The following JAK3 variants were observed in gnomAD, a reference collection of about 807,000 sequenced individuals.
JAK3 encodes the protein Janus kinase 3.
JAK3 carries 88 observed loss-of-function variants against 120.8 expected under a neutral mutation model. That is an observed-to-expected ratio of 0.73 (90% CI 0.61 to 0.87). JAK3 has a LOEUF of 0.87. Ranked by LOEUF, JAK3 falls within the 40% of genes least tolerant of loss-of-function variation. JAK3 has a pLI of 0.00. For synonymous variants in JAK3, 592 were observed against 628.6 expected (o/e 0.94, Z 0.87); for missense variants, 1,254 against 1,501.4 (o/e 0.84, Z 2.72).
chr19:17,838,409 G>T lies in JAK3; in HGVS notation c.1442-19C>A. ...GACTTTTCTATGGGGAGAGGATGAGGGAGAAAAACCAGAAATCAGAGGTGA... is the reference window on the plus strand; with the variant it reads ...GACTTTTCTATGGGGAGAGGATGAGTGAGAAAAACCAGAAATCAGAGGTGA... On this transcript the variant is annotated intron_variant, in intron 10 of 23. Coordinates refer to ENST00000458235, the MANE Select transcript of JAK3 (RefSeq NM_000215.4). The T allele has an allele frequency of 1.9e-6, 3 of 1,614,110 alleles. No individual in the cohort carries two copies. The highest frequency in any genetic ancestry group is 2.5e-6 in the Non-Finnish European group (3 of 1,180,006).
rs557959491 is a variant in JAK3 at position 17,835,947 on chromosome 19, G to A, written c.1891C>T (p.Leu631=). The A allele has an allele frequency of 1.9e-6, 3 of 1,614,074 alleles. No individual in the cohort carries two copies. In the African/African-American group the frequency reaches 4.0e-5, roughly 22 times the overall value. Residue 631 remains leucine, a synonymous_variant, in exon 14 of 24, where the codon CTG becomes TTG. Transcript: ENST00000458235. ...ASWKLQVVKQ[L]AYALNYLEDK... ...ACCAGATAGTTGAGGGCGTAGGCCA[G>A]CTGTTTGACCACCTGCAGCTTCCAG...
rs2094237655 is a variant in JAK3 at position 17,841,206 on chromosome 19, G to A, written c.1142+183C>T. Among the ~76,000 whole-genome samples the A allele has an allele frequency of 6.6e-6, 1 of 152,170 alleles. No homozygotes were observed. Among genetic ancestry groups the A allele is most frequent in the Non-Finnish European group, 1.5e-5 (1 of 68,040 alleles). On this transcript the variant is annotated intron_variant, in intron 8 of 23. Coordinates refer to ENST00000458235, the MANE Select transcript of JAK3 (RefSeq NM_000215.4). This position sits in a 1 kb window ranked among gnomAD's most constrained non-coding sequence, Gnocchi z 4.1. ...GGCCCTGGGGTCAGAGAGAGAGAGAGTAGTGGTCGCCCTGTGAAGCAGAAG... is the reference window on the plus strand; with the variant it reads ...GGCCCTGGGGTCAGAGAGAGAGAGAATAGTGGTCGCCCTGTGAAGCAGAAG...
chr19:17,842,168 C>T lies in JAK3; in HGVS notation c.861+148G>A, dbSNP rs940977276. The T allele has an allele frequency of 5.3e-5, 47 of 894,310 alleles. No homozygotes were observed. The highest frequency in any genetic ancestry group is 7.4e-5 in the Non-Finnish European group (45 of 607,016). 55.4% of individuals were successfully genotyped at this position (894,310 alleles called of 1,614,324 possible). A position where few individuals can be genotyped will look rare whatever the true frequency, so the allele number is the denominator to read the frequency against. On this transcript the variant is annotated intron_variant, in intron 6 of 23. Coordinates refer to ENST00000458235, the MANE Select transcript of JAK3 (RefSeq NM_000215.4). The surrounding 1 kb of genome is among the most constrained non-coding windows in gnomAD (Gnocchi z 6.4). ...GCCCCTCCCATTCCCGCAGTCTCCT[C>T]CCTCACTAAGCCCCGCCCCTCATTA...
chr19:17,844,593 G>A (rs2094247932), intron 1 of JAK3, 163 bp from the exon 2 acceptor site: 2 of 627,882 alleles, frequency 3.2e-6, no homozygotes, highest in African/African-American at 3.7e-5. Flanking sequence ...GAGGTCAGGA[G>A]TTTGAGACCT....
chr19:17,845,727 C>T (rs3212707), intron 1 of JAK3, among the ~76,000 whole-genome samples: 28 of 151,958 alleles, frequency 1.8e-4, no homozygotes, highest in African/African-American at 9.7e-5. Flanking sequence ...CCAGCCTGGG[C>T]GACAGAGCAA....
At position 17,847,926 on chromosome 19, in the gene JAK3, G is replaced by C; in HGVS notation, c.-14+20C>G. The C allele has an allele frequency of 9.9e-7, 1 of 1,007,214 alleles. No homozygotes were observed. The highest frequency in any genetic ancestry group is 1.7e-5 in the African/African-American group (1 of 58,236). The allele number at this position is 1,007,214 out of a possible 1,614,324, so 62.4% of individuals were successfully genotyped here. A position where few individuals can be genotyped will look rare whatever the true frequency, so the allele number is the denominator to read the frequency against. ...TCCCCCAGTGTCTGGGCCGAGCCCT[G>C]CGGCATCGCCAGCTCTTACCTAGCG... On this transcript the variant is annotated intron_variant, in intron 1 of 23. Transcript: ENST00000458235.
chr19:17,842,689 T>G lies in JAK3; in HGVS notation c.567-79A>C. 1.4e-6 allele frequency: 2 copies of G among 1,403,256 alleles called. No individual in the cohort carries two copies. Among genetic ancestry groups the G allele is most frequent in the Non-Finnish European group, 1.9e-6 (2 of 1,050,654 alleles). 86.9% of individuals were successfully genotyped at this position (1,403,256 alleles called of 1,614,324 possible). ...CGGGGACACACACAAACCCAGGCTT[T>G]AGCCCAGGGGCTGGGGTGCGGCCCT... On this transcript the variant is annotated intron_variant, in intron 5 of 23. Transcript: ENST00000458235. The surrounding 1 kb of genome is among the most constrained non-coding windows in gnomAD (Gnocchi z 6.4).
Position 17,843,980 on chromosome 19 carries a change from G to T in JAK3, c.185-80C>A. 6.4e-7 allele frequency: 1 copy of T among 1,553,452 alleles called. No individual in the cohort carries two copies. The highest frequency in any genetic ancestry group is 1.2e-5 in the South Asian group (1 of 86,662). On this transcript the variant is annotated intron_variant, in intron 2 of 23. Coordinates refer to ENST00000458235, the MANE Select transcript of JAK3 (RefSeq NM_000215.4). The surrounding 1 kb of genome is among the most constrained non-coding windows in gnomAD (Gnocchi z 5.4). The stretch of plus-strand genomic sequence containing the variant: ...AGGAGTGCCAGCATCATACCCAACC[G>T]TCCAGATCCTTCCATACCTCAAGGT...
Position 17,831,737 on chromosome 19 carries a change from C to T in JAK3, c.2742G>A (p.Leu914=). The change falls in exon 20 of 24, where the codon CTG becomes CTA. Residue 914 remains leucine (L), a synonymous_variant. Coordinates refer to ENST00000458235, the MANE Select transcript of JAK3 (RefSeq NM_000215.4). This position sits in a 1 kb window ranked among gnomAD's most constrained non-coding sequence, Gnocchi z 5.1. ...CATCGAGGCGCGCGCGGTGCCGCTG[C>T]AGGAAGTCGCGCAAGCAGCCGCTGG... is the stretch of plus-strand genomic sequence containing the variant. The part of the protein sequence containing the change: ...YLPSGCLRDF[L]QRHRARLDAS... 1 of 1,612,504 alleles carries T rather than the reference C, an allele frequency of 6.2e-7. No homozygotes were observed.
intron 13 of JAK3, 104 bp from the exon 14 acceptor site, chr19:17,836,155 C>G (rs2094223883): frequency 7.5e-7 from 1 of 1,334,772 alleles, no homozygotes; most frequent in Non-Finnish European, 1.1e-6. Context: ...ACTCTCATCT[C>G]TGTCTGTTCC....
intron 12 of JAK3, 99 bp from the exon 13 acceptor site, chr19:17,837,312 CA>C: frequency 1.1e-6 from 1 of 882,070 alleles, no homozygotes; most frequent in East Asian, 2.6e-5. Flanking sequence ...AACACCTGGC[CA>C]CAGGTCACCT....
chr19:17,826,666 C>T lies in JAK3; in HGVS notation c.*77G>A. ...AGGACCCTCATAAGGCCTCTGAGGCCCAGAGAGGGGCAGCTCCGGGCCTAA... is the reference window on the plus strand; with the variant it reads ...AGGACCCTCATAAGGCCTCTGAGGCTCAGAGAGGGGCAGCTCCGGGCCTAA... On this transcript the variant is annotated 3_prime_UTR_variant, in exon 24 of 24. Transcript: ENST00000458235. 1.3e-6 allele frequency: 2 copies of T among 1,543,666 alleles called. No individual in the cohort carries two copies. Among genetic ancestry groups the T allele is most frequent in the South Asian group, 1.1e-5 (1 of 89,394 alleles).
chr19:17,844,301 C>G lies in JAK3; in HGVS notation c.117G>C (p.Gln39His). The change falls in exon 2 of 24, where the codon CAG becomes CAC. Residue 39 changes from glutamine to histidine, a missense_variant. Transcript: ENST00000458235. ...GGTCCCCAAAGGAGAAAGATAGGCG[C>G]TGGGGGGGCCCGGGGCCCCGAGCGG... is the stretch of plus-strand genomic sequence containing the variant. ...LLPARGPGPP[Q>H]RLSFSFGDHL... is the part of the protein sequence containing the mutation. 1 of 1,607,578 alleles carries G rather than the reference C, an allele frequency of 6.2e-7. No individual in the cohort carries two copies. The highest frequency in any genetic ancestry group is 8.5e-7 in the Non-Finnish European group (1 of 1,177,898).
rs756418657 is a variant in JAK3 at position 17,835,938 on chromosome 19, C to T, written c.1900G>A (p.Ala634Thr). The T allele has an allele frequency of 2.5e-6, 4 of 1,613,980 alleles. No homozygotes were observed. Among genetic ancestry groups the T allele is most frequent in the African/African-American group, 1.3e-5 (1 of 75,058 alleles). ...GGAGCACTCACCAGATAGTTGAGGG[C>T]GTAGGCCAGCTGTTTGACCACCTGC... Reference protein sequence around the residue: ...KLQVVKQLAYALNYLEDKGLP... With the variant: ...KLQVVKQLAYTLNYLEDKGLP... The change falls in exon 14 of 24, where the codon GCC (alanine) becomes ACC (threonine). Residue 634 changes from alanine to threonine, a missense_variant. By Grantham distance (58) the Ala-to-Thr change is moderately conservative. This residue lies in a region of JAK3 where 630 missense variants were observed against 819.8 expected (regional missense o/e 0.77). Coordinates refer to ENST00000458235, the MANE Select transcript of JAK3 (RefSeq NM_000215.4).
rs2147681523 is a variant in JAK3, at chr19:17,834,628, C to T, written c.2293G>A (p.Val765Ile). Residue 765 changes from valine to isoleucine, a missense_variant, in exon 17 of 24, where the codon GTC becomes ATC. Val to Ile is a conservative substitution (Grantham distance 29). Around this residue, in one of 3 missense-constraint regions of JAK3, gnomAD observed 630 missense variants for 819.8 expected, o/e 0.77. Coordinates refer to ENST00000458235, the MANE Select transcript of JAK3 (RefSeq NM_000215.4). ...LIQQCMAYEP[V>I]QRPSFRAVIR... Reference sequence around the variant, plus strand: ...ACGGCTCGGAAGGAGGGCCTCTGGACCGGCTCATAGGCCATGCACTGTTGA... The same window carrying T: ...ACGGCTCGGAAGGAGGGCCTCTGGATCGGCTCATAGGCCATGCACTGTTGA... The T allele has an allele frequency of 6.2e-7, 1 of 1,614,038 alleles. No homozygotes were observed. Among genetic ancestry groups the T allele is most frequent in the Admixed American group, 1.7e-5 (1 of 60,000 alleles).
Position 17,838,366 on chromosome 19 carries a change from T to C in JAK3, c.1466A>G (p.Gln489Arg), listed in dbSNP as rs1442237381. Residue 489 changes from glutamine (Q) to arginine (R), a missense_variant, in exon 11 of 24, where the codon CAG becomes CGG. Gln to Arg is a conservative substitution (Grantham distance 43). Coordinates refer to ENST00000458235, the MANE Select transcript of JAK3 (RefSeq NM_000215.4). ...PKEKSNLIVV[Q>R]RGHSPPTSSL... ...TGATGTGGGTGGGCTGTGACCTCTC[T>C]GGACCACGATCAGGTTGGACTTTTC... is the stretch of plus-strand genomic sequence containing the variant. The C allele has an allele frequency of 6.2e-7, 1 of 1,614,124 alleles. No homozygotes were observed. Among genetic ancestry groups the C allele is most frequent in the Non-Finnish European group, 8.5e-7 (1 of 1,180,018 alleles).
chr19:17,839,088 G>A, intron 10 of JAK3: 1 of 362,720 alleles, frequency 2.8e-6, no homozygotes, highest in South Asian at 2.1e-5. Context: ...AGGAAGGAAG[G>A]AGCCCTGCAG....
Position 17,831,499 on chromosome 19 carries a change from C to A in JAK3, c.2806-99G>T. ...ACCCCAACCCAGACCCCAACTATAA[C>A]CCTACCCCCGAGCCATCCTCCACTG... On this transcript the variant is annotated intron_variant, in intron 20 of 23. Transcript: ENST00000458235. This position sits in a 1 kb window ranked among gnomAD's most constrained non-coding sequence, Gnocchi z 5.1. 6.5e-7 allele frequency: 1 copy of A among 1,547,028 alleles called. No individual in the cohort carries two copies. The highest frequency in any genetic ancestry group is 8.8e-7 in the Non-Finnish European group (1 of 1,140,290).
chr19:17,826,844 C>T lies in JAK3; in HGVS notation c.3274G>A (p.Gly1092Ser), dbSNP rs768704753. ...CTCCACAGCATGTCCAGCTGGGGGCCCAGGGCGCTGAATGATGGCCGGTCC... is the reference window on the plus strand; with the variant it reads ...CTCCACAGCATGTCCAGCTGGGGGCTCAGGGCGCTGAATGATGGCCGGTCC... ...PQDRPSFSAL[G>S]PQLDMLWSGS... is the part of the protein sequence containing the mutation. The change falls in exon 24 of 24, where the codon GGC becomes AGC. Residue 1092 changes from glycine to serine, a missense_variant. Gly to Ser is a moderately conservative substitution (Grantham distance 56, BLOSUM62 0). Transcript: ENST00000458235. 2.5e-6 allele frequency: 4 copies of T among 1,614,024 alleles called. No homozygotes were observed. In the Admixed American group the frequency reaches 5.0e-5, roughly 20 times the overall value.
Sources: gnomAD v4.1 joint callset for allele counts (sites outside exome capture counted in the v4.1 genomes callset) on GRCh38, gnomAD v4.1.1 for gene constraint, gnomAD v4.1.1 regional missense constraint, Gnocchi (gnomAD v3.1) non-coding constraint, MANE v1.5 for transcripts, NCBI Gene and HGNC (gene_info 2026-07-23, HGNC 2026-07-21) for gene names.